MYT1L: variants seen among roughly 807,000 people sequenced by gnomAD.
MYT1L encodes myelin transcription factor 1 like, also known as myelin transcription factor 1-like protein.
In MYT1L, 12 loss-of-function variants were observed where a neutral mutation model predicts 126.7. The observed-to-expected ratio is 0.09, with a 90% confidence interval of 0.06 to 0.15. The LOEUF is 0.15. MYT1L is among the 10% of genes least tolerant of loss of function. The pLI, the probability that MYT1L is intolerant of heterozygous loss-of-function variation, is 1.00. For missense variants in MYT1L, 979 were observed against 1,585.2 expected (o/e 0.62, Z 6.49); for synonymous variants, 541 against 604.2 (o/e 0.90, Z 1.53).
intron 2 of MYT1L, among the ~76,000 whole-genome samples, chr2:2,187,682 A>C (rs1469207242): frequency 6.6e-6 from 1 of 152,086 alleles, no homozygotes; most frequent in East Asian, 1.9e-4. Flanking sequence ...GGCCCATTGC[A>C]TTCATGGCTG....
At chr2:1,978,253 C>T (rs972043686) in intron 8 of MYT1L, among the ~76,000 whole-genome samples, 1 of 152,196 alleles carries the variant, frequency 6.6e-6, no homozygotes, top group Non-Finnish European at 1.5e-5. Context: ...CAGATGCACC[C>T]GCTTTAGAAT....
At chr2:2,293,271 G>A (rs956675153) in intron 1 of MYT1L, among the ~76,000 whole-genome samples, 6 of 152,174 alleles carry the variant, frequency 3.9e-5, no homozygotes, top group African/African-American at 1.4e-4. Flanking sequence ...CACCGAGGAG[G>A]GAAAGAAAAT....
chr2:1,878,237 A>G (rs1193487106), intron 18 of MYT1L, among the ~76,000 whole-genome samples: 1 of 152,236 alleles, frequency 6.6e-6, no homozygotes, highest in African/African-American at 2.4e-5. Context: ...TGCAGCTTGC[A>G]GGTATTCCAT....
chr2:1,888,737 A>T (rs1490110669), intron 16 of MYT1L, among the ~76,000 whole-genome samples: 1 of 152,258 alleles, frequency 6.6e-6, no homozygotes, highest in Non-Finnish European at 1.5e-5. Flanking sequence ...TGTCATAAAC[A>T]AAGACTTAGG....
chr2:2,149,089 C>A (rs966078297), intron 3 of MYT1L, among the ~76,000 whole-genome samples: 1 of 152,088 alleles, frequency 6.6e-6, no homozygotes, highest in Non-Finnish European at 1.5e-5. Flanking sequence ...ATTCTCCCTT[C>A]TCTTTCTTTC....
intron 2 of MYT1L, among the ~76,000 whole-genome samples, chr2:2,204,221 A>C (rs953437118): frequency 2.6e-5 from 4 of 152,224 alleles, no homozygotes; most frequent in Admixed American, 2.0e-4. Context: ...CATGTCTAAA[A>C]CACCAAAAGC....
At chr2:1,846,333 GA>G (rs2042491751) in intron 19 of MYT1L, among the ~76,000 whole-genome samples, 1 of 152,206 alleles carries the variant, frequency 6.6e-6, no homozygotes, top group Admixed American at 6.5e-5. Context: ...TAGGTTTCTG[GA>G]ATTCCACGCT....
At chr2:2,055,963 T>A (rs192263653) in intron 3 of MYT1L, among the ~76,000 whole-genome samples, 28 of 152,318 alleles carry the variant, frequency 1.8e-4, no homozygotes, top group African/African-American at 6.7e-4. Context: ...CTGGAGACCA[T>A]CAGGCCATTC....
chr2:1,996,731 C>T (rs1258029645), intron 5 of MYT1L, among the ~76,000 whole-genome samples: 7 of 131,190 alleles, frequency 5.3e-5, no homozygotes, highest in Admixed American at 8.0e-5. Context: ...GAGTGAGGGC[C>T]ACCCTACCTC....
chr2:1,889,151 C>A lies in MYT1L; in HGVS notation c.2520+90G>T, dbSNP rs1363472269. The A allele has an allele frequency of 3.1e-5, 29 of 948,168 alleles. No individual in the cohort carries two copies. The Admixed American group carries it at 3.6e-4, about 12-fold the overall frequency. The allele number at this position is 948,168 out of a possible 1,614,324, so 58.7% of individuals were successfully genotyped here. A position where few individuals can be genotyped will look rare whatever the true frequency, so the allele number is the denominator to read the frequency against. ...CATATTTAAAGAGAAAATATATTTTCTCATAACGTATGTGCAAATGGCTTT... is the reference window on the plus strand; with the variant it reads ...CATATTTAAAGAGAAAATATATTTTATCATAACGTATGTGCAAATGGCTTT... On this transcript the variant is annotated intron_variant, in intron 16 of 24. Coordinates refer to ENST00000647738, the MANE Select transcript of MYT1L (RefSeq NM_001303052.2). This position sits in a 1 kb window ranked among gnomAD's most constrained non-coding sequence, Gnocchi z 4.1.
chr2:2,212,025 T>G (rs1332245585), intron 2 of MYT1L, among the ~76,000 whole-genome samples: 1 of 152,082 alleles, frequency 6.6e-6, no homozygotes, highest in Non-Finnish European at 1.5e-5. Flanking sequence ...GAGTCAGGGT[T>G]CCAATGTCAA....
At chr2:1,997,397 C>G (rs929974852) in intron 4 of MYT1L, 50 bp from the exon 5 acceptor site, 2 of 152,460 alleles carry the variant, frequency 1.3e-5, no homozygotes, top group African/African-American at 4.8e-5. Flanking sequence ...TCATCGCCAC[C>G]TTAGGGAGAG....
At chr2:2,072,895 C>G (rs1314920409) in intron 3 of MYT1L, among the ~76,000 whole-genome samples, 2 of 152,180 alleles carry the variant, frequency 1.3e-5, no homozygotes, top group South Asian at 2.1e-4. Context: ...AATTAAACCT[C>G]TTTCCTTTAT....
chr2:2,164,898 A>G (rs2088771981), intron 3 of MYT1L, among the ~76,000 whole-genome samples: 1 of 152,214 alleles, frequency 6.6e-6, no homozygotes, highest in Non-Finnish European at 1.5e-5. Context: ...GACATGGAAC[A>G]CATCAATGCA....
chr2:2,266,228 G>A (rs186731601), intron 2 of MYT1L, among the ~76,000 whole-genome samples: 2 of 152,316 alleles, frequency 1.3e-5, no homozygotes, highest in East Asian at 3.9e-4. Context: ...TCATGGTACA[G>A]CAAGGCTTTT....
chr2:1,910,055 C>A lies in MYT1L; in HGVS notation c.1817+185G>T, dbSNP rs1037769680. Among the ~76,000 whole-genome samples the A allele has an allele frequency of 1.3e-5, 2 of 152,192 alleles. No homozygotes were observed. The highest frequency in any genetic ancestry group is 4.8e-5 in the African/African-American group (2 of 41,454). On this transcript the variant is annotated intron_variant, in intron 13 of 24. Transcript: ENST00000647738. The surrounding 1 kb of genome is among the most constrained non-coding windows in gnomAD (Gnocchi z 4.8). ...TCCGCAGACACCAGGGGAAGAATGACACCCTTGCCCTCACACAGCCTGGCC... is the reference window on the plus strand; with the variant it reads ...TCCGCAGACACCAGGGGAAGAATGAAACCCTTGCCCTCACACAGCCTGGCC...
chr2:1,945,224 A>G (rs2057097177), intron 8 of MYT1L, among the ~76,000 whole-genome samples: 1 of 152,168 alleles, frequency 6.6e-6, no homozygotes, highest in African/African-American at 2.4e-5. Context: ...GGAAACAGGG[A>G]GTGATACGAG....
chr2:1,855,127 T>C (rs2043750639), intron 18 of MYT1L, among the ~76,000 whole-genome samples: 2 of 152,216 alleles, frequency 1.3e-5, no homozygotes, highest in South Asian at 4.1e-4. Flanking sequence ...CTCATAGATT[T>C]ACATACAAAT....
intron 9 of MYT1L, among the ~76,000 whole-genome samples, chr2:1,932,303 C>T (rs1316129367): frequency 6.6e-6 from 1 of 152,196 alleles, no homozygotes; most frequent in East Asian, 1.9e-4. Flanking sequence ...TAGATACTTT[C>T]ATCAAACTGA....
Sources: gnomAD v4.1 joint callset for allele counts (sites outside exome capture counted in the v4.1 genomes callset) on GRCh38, gnomAD v4.1.1 for gene constraint, Gnocchi (gnomAD v3.1) non-coding constraint, MANE v1.5 for transcripts, NCBI Gene and HGNC (gene_info 2026-07-23, HGNC 2026-07-21) for gene names.